The following HERPUD2 variants were observed in gnomAD, a reference collection of about 807,000 sequenced individuals.
HERPUD2 encodes the protein homocysteine-responsive endoplasmic reticulum-resident ubiquitin-like domain member 2 protein.
A neutral mutation model predicts 49.9 loss-of-function variants in HERPUD2; 13 were observed. The observed-to-expected ratio is 0.26, with a 90% confidence interval of 0.17 to 0.41. The LOEUF (loss-of-function observed/expected upper bound fraction) is 0.41. Among genes scored for constraint, HERPUD2 ranks in the 10% least tolerant of loss-of-function variants. The probability of loss-of-function intolerance (pLI) is 1.00; values close to 1 mark genes in which losing one functional copy is unlikely to be tolerated. For synonymous variants in HERPUD2, 172 were observed against 171.4 expected, an observed-to-expected ratio of 1.00 and a Z score of -0.03; for missense variants, 449 against 492.2, an observed-to-expected ratio of 0.91 and a Z score of 0.83.
intron 2 of HERPUD2, among the ~76,000 whole-genome samples, chr7:35,681,301 A>C (rs1216567599): frequency 2.0e-5 from 3 of 152,228 alleles, no homozygotes; most frequent in Admixed American, 6.5e-5. Context: ...CCCAAAATAC[A>C]TAAAGCAAAA....
chr7:35,636,183 T>G (rs765690220), intron 6 of HERPUD2, among the ~76,000 whole-genome samples: 9 of 152,242 alleles, frequency 5.9e-5, no homozygotes, highest in Non-Finnish European at 1.0e-4. Context: ...AAAATAAGAC[T>G]GACATGAATT....
chr7:35,675,262 AT>A (rs1562683252), intron 2 of HERPUD2, among the ~76,000 whole-genome samples: 1 of 152,238 alleles, frequency 6.6e-6, no homozygotes, highest in Non-Finnish European at 1.5e-5. Context: ...TTACAGAAGC[AT>A]TCTGTATTGC....
chr7:35,694,073 C>T (rs1290108811), intron 2 of HERPUD2, 111 bp downstream of exon 2: 26 of 1,149,634 alleles, frequency 2.3e-5, no homozygotes, highest in African/African-American at 1.5e-5. Context: ...CGCGGTCTAC[C>T]AAAAGAGACC....
chr7:35,664,390 G>A (rs1459446999), intron 5 of HERPUD2, among the ~76,000 whole-genome samples: 3 of 152,168 alleles, frequency 2.0e-5, no homozygotes, highest in African/African-American at 4.8e-5. Context: ...TTCTCGAGGA[G>A]TATCTTTGTG....
At chr7:35,654,272 C>T (rs1309713430) in intron 5 of HERPUD2, among the ~76,000 whole-genome samples, 1 of 151,160 alleles carries the variant, frequency 6.6e-6, no homozygotes, top group African/African-American at 2.4e-5. Context: ...AAAAACTTGG[C>T]TTTTTGAAAA....
At chr7:35,666,666 C>A (rs1785542829) in intron 5 of HERPUD2, among the ~76,000 whole-genome samples, 1 of 152,202 alleles carries the variant, frequency 6.6e-6, no homozygotes, top group South Asian at 2.1e-4. Flanking sequence ...TCACACACAA[C>A]CCTGGTCCAA....
Position 35,682,314 on chromosome 7 carries a change from TACAC to T in HERPUD2, c.148-9040_148-9037del, listed in dbSNP as rs1157107236. On this transcript the variant is annotated intron_variant, in intron 2 of 8. Transcript: ENST00000311350. ...GTGTGTGTGTGTATATATAGATATA[TACAC>T]ATACACACGTGTGTGTGTGTGTGTG... 1.7e-4 allele frequency among the ~76,000 whole-genome samples: 8 copies of T among 48,206 alleles called. 2 individuals are homozygous for T. Among genetic ancestry groups the T allele is most frequent in the Non-Finnish European group, 3.3e-4 (8 of 24,320 alleles). The allele number at this position is 48,206 out of a possible 152,430, so 31.6% of individuals were successfully genotyped here. A position where few individuals can be genotyped will look rare whatever the true frequency, so the allele number is the denominator to read the frequency against.
rs565735989 is a variant in HERPUD2, at chr7:35,657,669, G to C, written c.494+9765C>G. Among the ~76,000 whole-genome samples, 6 of 151,128 alleles carry C rather than the reference G, an allele frequency of 4.0e-5. No individual in the cohort carries two copies. In the South Asian group the frequency reaches 1.3e-3, roughly 32 times the overall value. The stretch of plus-strand genomic sequence containing the variant: ...ACGAGCCTGTAATCCCAGCACTTTG[G>C]GAGGCCGAGGAGGGCGGATCACAAG... On this transcript the variant is annotated intron_variant, in intron 5 of 8. Coordinates refer to ENST00000311350, the MANE Select transcript of HERPUD2 (RefSeq NM_022373.5).
intron 4 of HERPUD2, among the ~76,000 whole-genome samples, chr7:35,669,805 T>C (rs140744097): frequency 9.7e-4 from 147 of 152,278 alleles, no homozygotes; most frequent in African/African-American, 3.3e-3. Flanking sequence ...CAAGAAGATT[T>C]AGGGTACTTA....
At chr7:35,634,774 A>C (rs1270129344) in intron 7 of HERPUD2, among the ~76,000 whole-genome samples, 5 of 152,194 alleles carry the variant, frequency 3.3e-5, no homozygotes, top group African/African-American at 1.2e-4. Flanking sequence ...TAGTCTACTT[A>C]TGAAAAAAAT....
rs138569143 is a variant in HERPUD2, at chr7:35,633,471, C to T, written c.*219G>A. 961 of 353,096 alleles carry T rather than the reference C, an allele frequency of 2.7e-3. 17 individuals carry two copies. The highest frequency in any genetic ancestry group is 0.012 in the East Asian group (238 of 19,810). 21.9% of individuals were successfully genotyped at this position (353,096 alleles called of 1,614,324 possible). ...CACCTGGAAGACCAATATTGTTACGCTATGTTCTGTTAGGATCTTTAAAAA... is the reference window on the plus strand; with the variant it reads ...CACCTGGAAGACCAATATTGTTACGTTATGTTCTGTTAGGATCTTTAAAAA... On this transcript the variant is annotated 3_prime_UTR_variant, in exon 9 of 9. Coordinates refer to ENST00000311350, the MANE Select transcript of HERPUD2 (RefSeq NM_022373.5).
chr7:35,637,807 G>C (rs113155795), intron 6 of HERPUD2, among the ~76,000 whole-genome samples: 1 of 152,114 alleles, frequency 6.6e-6, no homozygotes, highest in Non-Finnish European at 1.5e-5. Flanking sequence ...AAAAAGGTAC[G>C]GAAGACAAAA....
chr7:35,645,924 GT>G (rs1562670268), intron 5 of HERPUD2, among the ~76,000 whole-genome samples: 2 of 152,086 alleles, frequency 1.3e-5, no homozygotes, highest in African/African-American at 4.8e-5. Context: ...GTTTCGTTTT[GT>G]TTTGAACACG....
At chr7:35,637,895 A>G (rs1784896795) in intron 6 of HERPUD2, among the ~76,000 whole-genome samples, 1 of 152,154 alleles carries the variant, frequency 6.6e-6, no homozygotes, top group Admixed American at 6.5e-5. Flanking sequence ...AGTTGAGGAG[A>G]ATGAAGGCTG....
intron 2 of HERPUD2, 41 bp downstream of exon 2, chr7:35,694,143 C>T: frequency 6.2e-7 from 1 of 1,612,032 alleles, no homozygotes; most frequent in Non-Finnish European, 8.5e-7. Flanking sequence ...GCACGAAAAG[C>T]TGCTGGTCAG....
At chr7:35,670,162 G>C (rs3779235) in intron 4 of HERPUD2, 53 bp downstream of exon 4, 29 of 856,754 alleles carry the variant, frequency 3.4e-5, no homozygotes, top group Non-Finnish European at 5.1e-5. Flanking sequence ...AAAATAAGAC[G>C]ACGACGAAAA....
chr7:35,684,338 C>T (rs1169690177), intron 2 of HERPUD2, among the ~76,000 whole-genome samples: 2 of 151,488 alleles, frequency 1.3e-5, no homozygotes, highest in Non-Finnish European at 2.9e-5. Context: ...TCCAGTGGGC[C>T]GAGATCGCAC....
At chr7:35,679,186 T>A (rs1230772916) in intron 2 of HERPUD2, among the ~76,000 whole-genome samples, 1 of 152,192 alleles carries the variant, frequency 6.6e-6, no homozygotes. Flanking sequence ...TTATCCAGAT[T>A]ATTGATAATA....
chr7:35,660,498 T>G (rs1461380716), intron 5 of HERPUD2, among the ~76,000 whole-genome samples: 5 of 152,208 alleles, frequency 3.3e-5, no homozygotes, highest in Non-Finnish European at 7.3e-5. Flanking sequence ...CCACCAACAG[T>G]GTAAAAGCAT....
Sources: allele counts gnomAD v4.1 joint callset (sites outside exome capture counted in the v4.1 genomes callset), GRCh38; gene constraint gnomAD v4.1.1; transcripts MANE v1.5; gene names NCBI Gene and HGNC (gene_info 2026-07-23, HGNC 2026-07-21).